The following SEMA3D variants were observed in gnomAD, a reference collection of about 807,000 sequenced individuals.
The protein encoded by SEMA3D is semaphorin 3D.
Under a neutral mutation model 100.1 loss-of-function variants are expected in SEMA3D, and 84 were observed. The ratio of observed to expected loss-of-function variants is 0.84; its 90% confidence interval spans 0.70 to 1.01. SEMA3D has a LOEUF of 1.01. Among genes scored for constraint, SEMA3D ranks in the 50% least tolerant of loss-of-function variants. The probability of loss-of-function intolerance (pLI) is 0.00; values close to 1 mark genes in which losing one functional copy is unlikely to be tolerated. For synonymous variants in SEMA3D, 312 were observed against 320.7 expected (o/e 0.97, Z 0.29); for missense variants, 875 against 934.1 (o/e 0.94, Z 0.82).
intron 2 of SEMA3D, among the ~76,000 whole-genome samples, chr7:85,146,673 G>T (rs1223456857): frequency 1.3e-5 from 2 of 151,968 alleles, no homozygotes; most frequent in South Asian, 2.1e-4. Context: ...CTAATAGCAG[G>T]TATCACAGAT....
At chr7:85,159,865 A>G (rs1057481998) in intron 1 of SEMA3D, 9 of 984,954 alleles carry the variant, frequency 9.1e-6, no homozygotes, top group Non-Finnish European at 9.6e-6. Context: ...AGTAACCATT[A>G]TATGACTGGA....
At chr7:85,166,787 G>T (rs1307701418) in intron 1 of SEMA3D, among the ~76,000 whole-genome samples, 1 of 151,702 alleles carries the variant, frequency 6.6e-6, no homozygotes, top group Non-Finnish European at 1.5e-5. Flanking sequence ...AAGAAAAGAG[G>T]TTCAGTGAGT....
chr7:85,003,210 G>C (rs1789700683), intron 18 of SEMA3D, among the ~76,000 whole-genome samples: 1 of 151,890 alleles, frequency 6.6e-6, no homozygotes, highest in Non-Finnish European at 1.5e-5. Context: ...AAATTTATCA[G>C]AGTTTACTTA....
At chr7:85,223,486 G>A in the SEMA3D span, among the ~76,000 whole-genome samples, 1 of 151,596 alleles carries the variant, frequency 6.6e-6, no homozygotes, top group Non-Finnish European at 1.5e-5. Flanking sequence ...CTCAAAAGCC[G>A]ATCAATCAAT....
chr7:85,026,282 A>G (rs1055259795), intron 12 of SEMA3D, among the ~76,000 whole-genome samples: 2 of 152,034 alleles, frequency 1.3e-5, no homozygotes, highest in African/African-American at 4.8e-5. Flanking sequence ...TGATAAAGTA[A>G]TTGTTATCCA....
At chr7:85,227,339 T>C in the SEMA3D span, among the ~76,000 whole-genome samples, 12 of 152,106 alleles carry the variant, frequency 7.9e-5, no homozygotes, top group East Asian at 7.7e-4. Context: ...GATGGGAACA[T>C]TGGGAGGTTA....
chr7:85,039,403 G>A (rs544161056), intron 11 of SEMA3D, among the ~76,000 whole-genome samples: 11 of 152,072 alleles, frequency 7.2e-5, no homozygotes, highest in Non-Finnish European at 1.0e-4. Flanking sequence ...GATTACAGGC[G>A]CCCGCAACCA....
chr7:85,229,576 AAT>A, the SEMA3D span, among the ~76,000 whole-genome samples: 4 of 152,082 alleles, frequency 2.6e-5, no homozygotes, highest in African/African-American at 9.7e-5. Context: ...GTCTAAATTT[AAT>A]ATGAGTGTAA....
chr7:85,072,940 T>A (rs762976673), intron 6 of SEMA3D, 22 bp downstream of exon 6: 1 of 1,567,268 alleles, frequency 6.4e-7, no homozygotes, highest in Non-Finnish European at 8.7e-7. Context: ...ATTATGCTTT[T>A]CATGCTTTTT....
chr7:85,015,179 T>C lies in SEMA3D; in HGVS notation c.1583A>G (p.Gln528Arg), dbSNP rs373314985. 2.0e-5 allele frequency: 32 copies of C among 1,611,266 alleles called. No individual in the cohort carries two copies. The highest frequency in any genetic ancestry group is 4.2e-6 in the Non-Finnish European group (5 of 1,178,190). ...AGTGTCGCATCTGTGCAAGGAGAGC[T>C]GAACCAATCCATCTCGGGAACCAAT... ...LYIGSRDGLV[Q>R]LSLHRCDTYG... is the part of the protein sequence containing the mutation. The change falls in exon 16 of 19, where the codon CAG (glutamine) becomes CGG (arginine). Residue 528 changes from glutamine (Q) to arginine (R), a missense_variant. Gln to Arg is a conservative substitution (Grantham distance 43). Transcript: ENST00000284136.
At chr7:85,098,092 A>C in intron 3 of SEMA3D, 127 bp from the exon 4 acceptor site, 1 of 579,440 alleles carries the variant, frequency 1.7e-6, no homozygotes, top group Non-Finnish European at 2.8e-6. Flanking sequence ...AAGAAAGAAA[A>C]AAGAAAGAAA....
At chr7:85,074,851 C>T (rs1010691927) in intron 5 of SEMA3D, among the ~76,000 whole-genome samples, 2 of 152,004 alleles carry the variant, frequency 1.3e-5, no homozygotes, top group Non-Finnish European at 2.9e-5. Flanking sequence ...AACTCCTGGC[C>T]TCAAGCAATC....
chr7:85,029,742 C>A (rs188914627), intron 12 of SEMA3D: 3 of 241,280 alleles, frequency 1.2e-5, no homozygotes, highest in South Asian at 5.4e-5. Flanking sequence ...GTTAAAACAC[C>A]GAAGAACCCA....
the SEMA3D span, among the ~76,000 whole-genome samples, chr7:85,234,040 T>C: frequency 6.6e-6 from 1 of 152,228 alleles, no homozygotes; most frequent in Non-Finnish European, 1.5e-5. Flanking sequence ...TGTTAGAGAA[T>C]GTATTCTTGA....
chr7:85,133,292 T>A lies in SEMA3D; in HGVS notation c.-40-11361A>T, dbSNP rs1789778099. On this transcript the variant is annotated intron_variant, in intron 2 of 18. Transcript: ENST00000284136. ...TCTCATCCTTATATCCTCAGCTACA[T>A]CTTAAAAACTGGACTTACATGAATA... 2.6e-5 allele frequency among the ~76,000 whole-genome samples: 4 copies of A among 151,974 alleles called. No homozygotes were observed. The Admixed American group carries it at 2.6e-4, about 10-fold the overall frequency.
intron 1 of SEMA3D, among the ~76,000 whole-genome samples, chr7:85,184,018 CTAA>C (rs1791471895): frequency 6.6e-6 from 1 of 151,440 alleles, no homozygotes; most frequent in South Asian, 2.1e-4. Context: ...GTTAAAGAAA[CTAA>C]TAATTCCTAC....
intron 1 of SEMA3D, among the ~76,000 whole-genome samples, chr7:85,179,901 TC>T: frequency 6.6e-6 from 1 of 152,310 alleles, no homozygotes; most frequent in Non-Finnish European, 1.5e-5. Context: ...GACCTCGTGA[TC>T]CACCTGCCTC....
At chr7:85,233,495 C>T in the SEMA3D span, among the ~76,000 whole-genome samples, 2 of 152,152 alleles carry the variant, frequency 1.3e-5, no homozygotes, top group Non-Finnish European at 2.9e-5. Context: ...TAGATAATCT[C>T]ATGAGAAAGC....
At chr7:85,088,420 G>T (rs370020562) in intron 4 of SEMA3D, among the ~76,000 whole-genome samples, 4 of 152,130 alleles carry the variant, frequency 2.6e-5, no homozygotes, top group Non-Finnish European at 2.9e-5. Flanking sequence ...ACAAAAGGAA[G>T]TTGAAACTTA....
Sources: gnomAD v4.1 joint callset for allele counts (sites outside exome capture counted in the v4.1 genomes callset) on GRCh38, gnomAD v4.1.1 for gene constraint, MANE v1.5 for transcripts, NCBI Gene and HGNC (gene_info 2026-07-23, HGNC 2026-07-21) for gene names.